The following SYBU variants were observed in gnomAD, a reference collection of about 807,000 sequenced individuals.
The protein encoded by SYBU is GOLSYN A protein.
A neutral mutation model predicts 35.9 loss-of-function variants in SYBU; 21 were observed. That is an observed-to-expected ratio of 0.58 (90% CI 0.41 to 0.84). SYBU has a LOEUF of 0.84. SYBU is among the 40% of genes least tolerant of loss of function. SYBU has a pLI of 0.00. For synonymous variants in SYBU, 319 were observed against 324.3 expected (o/e 0.98, Z 0.18); for missense variants, 768 against 848.2 (o/e 0.91, Z 1.17).
chr8:109,603,809 T>TA (rs1204296443), intron 3 of SYBU, among the ~76,000 whole-genome samples: 6 of 152,196 alleles, frequency 3.9e-5, no homozygotes, highest in Admixed American at 3.9e-4. Context: ...AAGGAAATGT[T>TA]AAAACACACA....
intron 1 of SYBU, among the ~76,000 whole-genome samples, chr8:109,670,124 G>C (rs1304282114): frequency 6.6e-6 from 1 of 151,844 alleles, no homozygotes; most frequent in Non-Finnish European, 1.5e-5. Context: ...TCATTTTCAT[G>C]ATGTAGAAAT....
chr8:109,618,810 CT>C, intron 3 of SYBU, 31 bp downstream of exon 3: 1 of 1,597,000 alleles, frequency 6.3e-7, no homozygotes, highest in Non-Finnish European at 8.6e-7. Context: ...TCACATTGTT[CT>C]GATGAAAACA....
At chr8:109,676,314 G>A (rs1817188580) in intron 1 of SYBU, among the ~76,000 whole-genome samples, 1 of 152,222 alleles carries the variant, frequency 6.6e-6, no homozygotes. Flanking sequence ...AAGAAATAAA[G>A]GGTATTCAAA....
chr8:109,636,369 T>C (rs544735028), intron 2 of SYBU, among the ~76,000 whole-genome samples: 2 of 152,292 alleles, frequency 1.3e-5, no homozygotes, highest in South Asian at 2.1e-4. Context: ...TGAGTAAAAG[T>C]AGTACTGTGG....
intron 3 of SYBU, among the ~76,000 whole-genome samples, chr8:109,595,415 A>G (rs1250337020): frequency 6.6e-6 from 1 of 152,196 alleles, no homozygotes; most frequent in East Asian, 1.9e-4. Context: ...AACCCTTCTT[A>G]TAGGGTCTGT....
At position 109,644,714 on chromosome 8, in the gene SYBU, C is replaced by T; in HGVS notation, c.-55G>A. On this transcript the variant is annotated 5_prime_UTR_variant, in exon 1 of 7. Transcript: ENST00000276646. ...GCCGCTGCCGCCGTCCAGGAGGAGG[C>T]ACCTGCGAGCACGGAGCGAGGAGAC... The T allele has an allele frequency of 6.9e-7, 1 of 1,459,686 alleles. No individual in the cohort carries two copies. The highest frequency in any genetic ancestry group is 9.0e-7 in the Non-Finnish European group (1 of 1,113,956). The allele number at this position is 1,459,686 out of a possible 1,614,324, so 90.4% of individuals were successfully genotyped here. A position where few individuals can be genotyped will look rare whatever the true frequency, so the allele number is the denominator to read the frequency against.
intron 1 of SYBU, among the ~76,000 whole-genome samples, chr8:109,662,043 T>G (rs1280183053): frequency 1.3e-5 from 2 of 152,172 alleles, no homozygotes; most frequent in East Asian, 3.9e-4. Context: ...TATATGTCAT[T>G]TTTAAAATTC....
intron 2 of SYBU, among the ~76,000 whole-genome samples, chr8:109,642,527 G>C (rs1290818593): frequency 6.6e-6 from 1 of 152,182 alleles, no homozygotes; most frequent in African/African-American, 2.4e-5. Context: ...TGAAAATTCA[G>C]GTGTGAGATT....
Position 109,574,878 on chromosome 8 carries a change from A to C in SYBU, c.*28T>G, listed in dbSNP as rs1563664394. 1 of 1,510,718 alleles carries C rather than the reference A, an allele frequency of 6.6e-7. No individual in the cohort carries two copies. The highest frequency in any genetic ancestry group is 1.4e-5 in the African/African-American group (1 of 71,690). The allele number at this position is 1,510,718 out of a possible 1,614,324, so 93.6% of individuals were successfully genotyped here. A position where few individuals can be genotyped will look rare whatever the true frequency, so the allele number is the denominator to read the frequency against. On this transcript the variant is annotated 3_prime_UTR_variant, in exon 7 of 7. Transcript: ENST00000276646. The stretch of plus-strand genomic sequence containing the variant: ...ACCTGGCACAACCCACATGGGACAC[A>C]TTGGCACACGGTAACAACAACTTCT...
upstream of SYBU, chr8:109,646,211 A>G (rs1025921886): frequency 7.5e-6 from 1 of 133,296 alleles, no homozygotes; most frequent in Non-Finnish European, 1.5e-5. Flanking sequence ...AGAATTGGAG[A>G]ATATTCCAAG....
upstream of SYBU, among the ~76,000 whole-genome samples, chr8:109,684,568 T>C (rs1294607615): frequency 6.6e-6 from 1 of 152,206 alleles, no homozygotes; most frequent in Non-Finnish European, 1.5e-5. Context: ...GTGTTTGATA[T>C]TGGTCTTGTT....
chr8:109,594,473 G>C (rs1824635714), intron 3 of SYBU, among the ~76,000 whole-genome samples: 1 of 152,100 alleles, frequency 6.6e-6, no homozygotes, highest in East Asian at 1.9e-4. Context: ...ACAACTCGTT[G>C]CCAAGACATC....
intron 1 of SYBU, among the ~76,000 whole-genome samples, chr8:109,651,583 G>A (rs1816144070): frequency 6.8e-6 from 1 of 147,620 alleles, no homozygotes; most frequent in South Asian, 2.2e-4. Context: ...ACTAGTTAAT[G>A]TCTTTGGGCA....
chr8:109,613,906 G>T (rs1159435844), intron 3 of SYBU, among the ~76,000 whole-genome samples: 3 of 152,172 alleles, frequency 2.0e-5, no homozygotes, highest in Non-Finnish European at 2.9e-5. Flanking sequence ...TTGTCGTAAG[G>T]TTATTAGAGT....
intron 1 of SYBU, among the ~76,000 whole-genome samples, chr8:109,688,771 T>TAA (rs370179411): frequency 0.018 from 2,518 of 137,486 alleles, 78 homozygotes; most frequent in African/African-American, 0.063. Flanking sequence ...TTTACACAGA[T>TAA]AAAAAAAAAA....
chr8:109,619,368 C>T (rs533099153), intron 2 of SYBU, among the ~76,000 whole-genome samples: 8 of 152,036 alleles, frequency 5.3e-5, no homozygotes, highest in Admixed American at 3.9e-4. Context: ...GGATTACAGA[C>T]GTATGCCACC....
chr8:109,597,051 C>T (rs1317466248), intron 3 of SYBU, among the ~76,000 whole-genome samples: 4 of 152,066 alleles, frequency 2.6e-5, no homozygotes, highest in Non-Finnish European at 5.9e-5. Flanking sequence ...TAAGGTGACC[C>T]ATTGTCTCAT....
chr8:109,618,889 T>C lies in SYBU; in HGVS notation c.380A>G (p.Gln127Arg), dbSNP rs374281463. The C allele has an allele frequency of 3.7e-5, 60 of 1,614,094 alleles. No individual in the cohort carries two copies. Among genetic ancestry groups the C allele is most frequent in the Non-Finnish European group, 5.0e-5 (59 of 1,180,028 alleles). Reference sequence around the variant, plus strand: ...TGATTCCTTCTTATATCGAGAGGACTGAATGCTTCCTTCACCAACCATTCC... The same window carrying C: ...TGATTCCTTCTTATATCGAGAGGACCGAATGCTTCCTTCACCAACCATTCC... ...TIGMVGEGSI[Q>R]SSRYKKESKS... The change falls in exon 3 of 7, where the codon CAG (glutamine) becomes CGG (arginine). Residue 127 changes from glutamine (Q) to arginine (R), a missense_variant. Coordinates refer to ENST00000276646, the MANE Select transcript of SYBU (RefSeq NM_001099754.2).
At chr8:109,624,246 C>A (rs1812741530) in intron 2 of SYBU, among the ~76,000 whole-genome samples, 1 of 152,130 alleles carries the variant, frequency 6.6e-6, no homozygotes, top group African/African-American at 2.4e-5. Context: ...AAATGCCCAA[C>A]TCCCTGGAAA....
Sources: allele counts gnomAD v4.1 joint callset (sites outside exome capture counted in the v4.1 genomes callset), GRCh38; gene constraint gnomAD v4.1.1; transcripts MANE v1.5; gene names NCBI Gene and HGNC (gene_info 2026-07-23, HGNC 2026-07-21).